The following GALNTL6 variants were observed in gnomAD, a reference collection of about 807,000 sequenced individuals.
GALNTL6 encodes polypeptide N-acetylgalactosaminyltransferase like 6.
A neutral mutation model predicts 73.7 loss-of-function variants in GALNTL6; 46 were observed. That is an observed-to-expected ratio of 0.62 (90% CI 0.49 to 0.80). The LOEUF (loss-of-function observed/expected upper bound fraction) is 0.80, where lower values mean the gene tolerates loss of function less well. GALNTL6 is among the 30% of genes least tolerant of loss of function. The probability of loss-of-function intolerance (pLI) is 0.00; values close to 1 mark genes in which losing one functional copy is unlikely to be tolerated. For missense variants in GALNTL6, 604 were observed against 755.0 expected, an observed-to-expected ratio of 0.80 and a Z score of 2.34; for synonymous variants, 259 against 263.7, an observed-to-expected ratio of 0.98 and a Z score of 0.17.
At chr4:171,876,056 G>T (rs1736267440) in intron 2 of GALNTL6, among the ~76,000 whole-genome samples, 1 of 152,066 alleles carries the variant, frequency 6.6e-6, no homozygotes, top group Admixed American at 6.6e-5. Flanking sequence ...AGGATTAGTA[G>T]ACACAAATGT....
At chr4:172,588,825 A>G (rs1206207095) in intron 5 of GALNTL6, among the ~76,000 whole-genome samples, 1 of 152,220 alleles carries the variant, frequency 6.6e-6, no homozygotes, top group East Asian at 1.9e-4. Flanking sequence ...CAACTGAAAC[A>G]GATCCGCAGC....
intron 5 of GALNTL6, among the ~76,000 whole-genome samples, chr4:172,590,825 G>A (rs1003324467): frequency 5.3e-5 from 8 of 151,992 alleles, no homozygotes; most frequent in African/African-American, 1.2e-4. Flanking sequence ...AGTAATAATA[G>A]CTCCTGTAAA....
At chr4:172,626,837 T>G (rs1739189667) in intron 5 of GALNTL6, among the ~76,000 whole-genome samples, 1 of 152,112 alleles carries the variant, frequency 6.6e-6, no homozygotes, top group Non-Finnish European at 1.5e-5. Flanking sequence ...TTTTATAAAT[T>G]TATTTTGTAT....
At chr4:172,487,133 T>TA (rs200707551) in intron 5 of GALNTL6, among the ~76,000 whole-genome samples, 31 of 151,854 alleles carry the variant, frequency 2.0e-4, no homozygotes, top group East Asian at 3.9e-4. Flanking sequence ...TCAAGTATAA[T>TA]AAAAAAAACA....
At chr4:172,964,164 A>T (rs1579716890) in intron 10 of GALNTL6, among the ~76,000 whole-genome samples, 1 of 152,188 alleles carries the variant, frequency 6.6e-6, no homozygotes, top group African/African-American at 2.4e-5. Flanking sequence ...CTATTCTTAA[A>T]CCACTCACAT....
At chr4:172,480,896 G>A (rs1434044633) in intron 5 of GALNTL6, among the ~76,000 whole-genome samples, 1 of 152,110 alleles carries the variant, frequency 6.6e-6, no homozygotes, top group East Asian at 1.9e-4. Context: ...AGGGGTGCAT[G>A]AAAAAGGATC....
At chr4:173,024,583 G>A (rs1753154223) in intron 12 of GALNTL6, among the ~76,000 whole-genome samples, 1 of 151,892 alleles carries the variant, frequency 6.6e-6, no homozygotes, top group Admixed American at 6.6e-5. Context: ...AGTTTTAGAT[G>A]TTTTTGTTTG....
intron 2 of GALNTL6, among the ~76,000 whole-genome samples, chr4:172,079,668 C>T (rs1355414272): frequency 6.6e-6 from 1 of 151,852 alleles, no homozygotes. Flanking sequence ...CTCAGTAGTG[C>T]CTCTTTTGAT....
At chr4:172,517,678 C>T (rs1428972447) in intron 5 of GALNTL6, among the ~76,000 whole-genome samples, 10 of 152,036 alleles carry the variant, frequency 6.6e-5, no homozygotes, top group Admixed American at 5.2e-4. Flanking sequence ...TGGATAAGAT[C>T]AGAATGAGTC....
intron 5 of GALNTL6, among the ~76,000 whole-genome samples, chr4:172,525,323 C>G (rs1734914297): frequency 6.6e-6 from 1 of 152,160 alleles, no homozygotes; most frequent in South Asian, 2.1e-4. Context: ...ATCTTTGCAA[C>G]ATTGAACCTT....
Position 172,363,488 on chromosome 4 carries a change from G to T in GALNTL6, c.553+14799G>T, listed in dbSNP as rs150634039. ...ACAGAGTGGTTGTGGGTATTAAAGAGAATGCATACAAAATGCTTACACAGT... is the reference window on the plus strand; with the variant it reads ...ACAGAGTGGTTGTGGGTATTAAAGATAATGCATACAAAATGCTTACACAGT... On this transcript the variant is annotated intron_variant, in intron 5 of 12. Coordinates refer to ENST00000506823, the MANE Select transcript of GALNTL6 (RefSeq NM_001034845.3). Among the ~76,000 whole-genome samples, 51 of 152,252 alleles carry T rather than the reference G, an allele frequency of 3.3e-4. No individual in the cohort carries two copies. In the East Asian group the frequency reaches 8.7e-3, roughly 26 times the overall value.
intron 2 of GALNTL6, among the ~76,000 whole-genome samples, chr4:172,061,039 A>G (rs1731183639): frequency 6.6e-6 from 1 of 152,226 alleles, no homozygotes; most frequent in Admixed American, 6.5e-5. Flanking sequence ...CTAATTAGCC[A>G]TGAAGAAAAT....
chr4:172,404,254 C>T (rs560627147), intron 5 of GALNTL6, among the ~76,000 whole-genome samples: 1 of 152,070 alleles, frequency 6.6e-6, no homozygotes, highest in Non-Finnish European at 1.5e-5. Flanking sequence ...AAAACTCCCA[C>T]CAGCTACTCC....
At chr4:172,974,893 G>A (rs972458068) in intron 10 of GALNTL6, among the ~76,000 whole-genome samples, 6 of 152,202 alleles carry the variant, frequency 3.9e-5, no homozygotes, top group Non-Finnish European at 8.8e-5. Context: ...CTTCTACTGT[G>A]GGCACCAGGG....
chr4:171,942,115 G>T (rs749332241), intron 2 of GALNTL6, among the ~76,000 whole-genome samples: 3 of 151,926 alleles, frequency 2.0e-5, no homozygotes, highest in African/African-American at 4.8e-5. Context: ...AATAGGCTGC[G>T]TTCGGTGGCT....
In GALNTL6 at chr4:172,311,733, C is replaced by G. The variant is rs1175179772; in HGVS notation, c.367C>G (p.Pro123Ala). The change falls in exon 4 of 13, where the codon CCA becomes GCA. Residue 123 changes from proline to alanine, a missense_variant. By Grantham distance (27) the Pro-to-Ala change is conservative (BLOSUM62 -1). This residue lies in a region of GALNTL6 where 141 missense variants were observed against 156.6 expected (regional missense o/e 0.90). Transcript: ENST00000506823. ...SNNIALERSL[P>A]DIRHANCKHK... Reference sequence around the variant, plus strand: ...CAATATTGCTCTAGAGAGGTCTCTGCCAGATATTCGTCATGCTAAGTGAGT... The same window carrying G: ...CAATATTGCTCTAGAGAGGTCTCTGGCAGATATTCGTCATGCTAAGTGAGT... 2.5e-6 allele frequency: 4 copies of G among 1,593,448 alleles called. No homozygotes were observed. The Admixed American group carries it at 6.9e-5, about 27-fold the overall frequency.
At chr4:171,975,941 A>G (rs1041526452) in intron 2 of GALNTL6, among the ~76,000 whole-genome samples, 3 of 151,932 alleles carry the variant, frequency 2.0e-5, no homozygotes, top group African/African-American at 7.2e-5. Context: ...TTTTTTTTTA[A>G]GACGGAATTT....
chr4:171,956,291 C>T lies in GALNTL6; in HGVS notation c.138+141573C>T, dbSNP rs78767609. On this transcript the variant is annotated intron_variant, in intron 2 of 12. Coordinates refer to ENST00000506823, the MANE Select transcript of GALNTL6 (RefSeq NM_001034845.3). ...AAAGTGCAGGGATTACAGGTGTGATCCACTGTACCCAGCCATTTATTAGTA... is the reference window on the plus strand; with the variant it reads ...AAAGTGCAGGGATTACAGGTGTGATTCACTGTACCCAGCCATTTATTAGTA... Among the ~76,000 whole-genome samples the T allele has an allele frequency of 4.5e-3, 678 of 152,256 alleles. 8 individuals carry two copies. Among genetic ancestry groups the T allele is most frequent in the African/African-American group, 0.016 (644 of 41,530 alleles).
intron 7 of GALNTL6, among the ~76,000 whole-genome samples, chr4:172,870,936 C>T (rs190934146): frequency 6.6e-6 from 1 of 152,280 alleles, no homozygotes; most frequent in Admixed American, 6.5e-5. Flanking sequence ...ATTGAGGGTA[C>T]AGTTTCATAC....
Sources: allele counts gnomAD v4.1 joint callset (sites outside exome capture counted in the v4.1 genomes callset), GRCh38; gene constraint gnomAD v4.1.1; regional missense constraint gnomAD v4.1.1; transcripts MANE v1.5; gene names NCBI Gene and HGNC (gene_info 2026-07-23, HGNC 2026-07-21).